PLEKHO2: variants seen among roughly 807,000 people sequenced by gnomAD.
The protein encoded by PLEKHO2 is pleckstrin homology domain-containing family O member 2.
PLEKHO2 carries 20 observed loss-of-function variants against 32.7 expected under a neutral mutation model. The ratio of observed to expected loss-of-function variants is 0.61; its 90% CI spans 0.43 to 0.89. PLEKHO2 has a LOEUF of 0.89. Ranked by LOEUF, PLEKHO2 falls within the 40% of genes least tolerant of loss-of-function variation. PLEKHO2 has a pLI of 0.00. For missense variants in PLEKHO2, 568 were observed against 621.2 expected (o/e 0.91, Z 0.91); for synonymous variants, 247 against 246.3 (o/e 1.00, Z -0.03).
chr15:64,846,324 T>G (rs2084521917), intron 1 of PLEKHO2, among the ~76,000 whole-genome samples: 1 of 151,998 alleles, frequency 6.6e-6, no homozygotes, highest in Non-Finnish European at 1.5e-5. Context: ...ACCTTTTTTT[T>G]TTTTCGGAGA....
At chr15:64,843,256 G>T (rs1335377737) in intron 1 of PLEKHO2, among the ~76,000 whole-genome samples, 1 of 152,204 alleles carries the variant, frequency 6.6e-6, no homozygotes, top group African/African-American at 2.4e-5. Flanking sequence ...AAAATATAGT[G>T]CCTGTCCTCC....
At chr15:64,847,098 G>C (rs1177857528) in intron 1 of PLEKHO2, among the ~76,000 whole-genome samples, 1 of 152,216 alleles carries the variant, frequency 6.6e-6, no homozygotes, top group African/African-American at 2.4e-5. Context: ...CATGACTGCA[G>C]CTTCTAAGCC....
At position 64,861,556 on chromosome 15, in the gene PLEKHO2, C is replaced by T. The variant is rs772570561; in HGVS notation, c.464C>T (p.Thr155Met). The T allele has an allele frequency of 3.7e-6, 6 of 1,605,550 alleles. No individual in the cohort carries two copies. Among genetic ancestry groups the T allele is most frequent in the Non-Finnish European group, 4.2e-6 (5 of 1,176,934 alleles). ...VRGGQRRRPP[T>M]RVHLKEVASA... ...GGGGGCCAGCGACGCCGGCCACCAA[C>T]GAGAGTCCACCTGAAGGAGGTAGGG... The change falls in exon 5 of 6, where the codon ACG becomes ATG. Residue 155 changes from threonine to methionine, a missense_variant. Transcript: ENST00000323544.
chr15:64,854,938 G>A lies in PLEKHO2; in HGVS notation c.180G>A (p.Val60=). ...VYENEDDQKC[V]ETVELGSYEK... ...CTCCCCAGGATGATCAGAAGTGTGT[G>A]GAGACTGTGGAGCTGGGCAGCTATG... The change falls in exon 3 of 6, where the codon GTG becomes GTA. Residue 60 remains valine (V), a synonymous_variant. Transcript: ENST00000323544. 1.2e-6 allele frequency: 2 copies of A among 1,612,894 alleles called. No individual in the cohort carries two copies. The highest frequency in any genetic ancestry group is 1.1e-5 in the South Asian group (1 of 90,530).
chr15:64,866,222 G>A lies in PLEKHO2; in HGVS notation c.*334G>A. The A allele has an allele frequency of 2.1e-6, 1 of 465,582 alleles. No individual in the cohort carries two copies. 28.8% of individuals were successfully genotyped at this position (465,582 alleles called of 1,614,324 possible). A position where few individuals can be genotyped will look rare whatever the true frequency, so the allele number is the denominator to read the frequency against. On this transcript the variant is annotated 3_prime_UTR_variant, in exon 6 of 6. Transcript: ENST00000323544. ...TTGGGGGCGGCACTTGGGGTTTCTG[G>A]GAATGACATCATCTCTGTTCCCCAT...
chr15:64,841,969 C>CGGCGCTGCGCG lies in PLEKHO2; in HGVS notation c.-41_-40insCGCGGGCGCTG, dbSNP rs908933891. The CGGCGCTGCGCG allele has an allele frequency of 1.4e-5, 17 of 1,245,562 alleles. No homozygotes were observed. The African/African-American group carries it at 2.5e-4, about 18-fold the overall frequency. 77.2% of individuals were successfully genotyped at this position (1,245,562 alleles called of 1,614,324 possible). ...CGTAGACGCGGTGGCAGAGCCCGCGCGGCGCTGGAAGCGAGTGGCGGAGCG... is the reference window on the plus strand; with the variant it reads ...CGTAGACGCGGTGGCAGAGCCCGCGCGGCGCTGCGCGGGCGCTGGAAGCGAGTGGCGGAGCG... On this transcript the variant is annotated 5_prime_UTR_variant, in exon 1 of 6. Transcript: ENST00000323544.
intron 1 of PLEKHO2, among the ~76,000 whole-genome samples, chr15:64,846,537 C>G (rs2084523792): frequency 6.6e-6 from 1 of 152,204 alleles, no homozygotes; most frequent in African/African-American, 2.4e-5. Context: ...CGATCTCAAA[C>G]TCCTGACCTC....
At chr15:64,858,348 G>A (rs72733257) in intron 3 of PLEKHO2, among the ~76,000 whole-genome samples, 2,517 of 152,250 alleles carry the variant, frequency 0.017, 42 homozygotes, top group South Asian at 0.03. Flanking sequence ...GGCCGACCTC[G>A]GTGTTACATA....
intron 5 of PLEKHO2, among the ~76,000 whole-genome samples, chr15:64,862,209 G>A (rs1202558862): frequency 6.6e-6 from 1 of 152,174 alleles, no homozygotes; most frequent in Non-Finnish European, 1.5e-5. Context: ...GACAAGGAAG[G>A]GAGAGTGCGT....
At chr15:64,850,147 T>G (rs2084556375) in intron 2 of PLEKHO2, among the ~76,000 whole-genome samples, 2 of 151,410 alleles carry the variant, frequency 1.3e-5, no homozygotes, top group African/African-American at 4.9e-5. Context: ...ACAACAAGAG[T>G]GAAACTCCAT....
chr15:64,864,831 T>A, intron 5 of PLEKHO2, 68 bp from the exon 6 acceptor site: 2 of 1,504,540 alleles, frequency 1.3e-6, no homozygotes, highest in Non-Finnish European at 1.8e-6. Flanking sequence ...AGAACTCGTG[T>A]CAGTGGGCAC....
At chr15:64,846,185 G>T (rs948290942) in intron 1 of PLEKHO2, among the ~76,000 whole-genome samples, 2 of 152,198 alleles carry the variant, frequency 1.3e-5, no homozygotes, top group East Asian at 3.9e-4. Flanking sequence ...TGGGGAATGG[G>T]AGTTGAGTGC....
intron 3 of PLEKHO2, among the ~76,000 whole-genome samples, chr15:64,855,275 C>G (rs1567096691): frequency 6.6e-6 from 1 of 152,232 alleles, no homozygotes. Flanking sequence ...CTCTGCTCCC[C>G]TTTTCCTCTT....
chr15:64,864,973 C>A lies in PLEKHO2; in HGVS notation c.558C>A (p.Ala186=). 2 of 1,614,142 alleles carry A rather than the reference C, an allele frequency of 1.2e-6. No individual in the cohort carries two copies. The highest frequency in any genetic ancestry group is 1.1e-5 in the South Asian group (1 of 91,088). Residue 186 remains alanine, a synonymous_variant, in exon 6 of 6, where the codon GCC becomes GCA. Transcript: ENST00000323544. ...DVPDSGPPVF[A]PSNHVSEAQP... ...CGGACAGTGGGCCACCAGTGTTTGC[C>A]CCCAGCAATCATGTCAGTGAAGCCC...
intron 3 of PLEKHO2, among the ~76,000 whole-genome samples, chr15:64,855,502 A>G (rs2084600708): frequency 6.6e-6 from 1 of 151,974 alleles, no homozygotes; most frequent in African/African-American, 2.4e-5. Context: ...GGGTGGGCCC[A>G]CCCTGGACTA....
intron 3 of PLEKHO2, among the ~76,000 whole-genome samples, chr15:64,859,375 C>T (rs910419506): frequency 1.3e-5 from 2 of 152,232 alleles, no homozygotes; most frequent in African/African-American, 4.8e-5. Flanking sequence ...CTCAGAGGCC[C>T]TACTGCCTTG....
At chr15:64,856,726 T>C (rs2084608550) in intron 3 of PLEKHO2, among the ~76,000 whole-genome samples, 1 of 152,144 alleles carries the variant, frequency 6.6e-6, no homozygotes, top group Admixed American at 6.6e-5. Context: ...AAACAGTGCA[T>C]CCTGGTTCCA....
intron 3 of PLEKHO2, among the ~76,000 whole-genome samples, chr15:64,857,676 C>T (rs997522251): frequency 2.0e-5 from 3 of 152,284 alleles, no homozygotes; most frequent in Middle Eastern, 3.4e-3. Context: ...CTTCCTTCTC[C>T]TGTGGGAGCC....
chr15:64,851,334 G>T (rs979849907), intron 2 of PLEKHO2, among the ~76,000 whole-genome samples: 9 of 152,214 alleles, frequency 5.9e-5, no homozygotes, highest in Non-Finnish European at 1.3e-4. Flanking sequence ...TCAGCTGTCA[G>T]CCTGTCAGGT....
Sources: allele counts gnomAD v4.1 joint callset (sites outside exome capture counted in the v4.1 genomes callset), GRCh38; gene constraint gnomAD v4.1.1; transcripts MANE v1.5; gene names NCBI Gene and HGNC (gene_info 2026-07-23, HGNC 2026-07-21).